Variants in ZNF577 observed in about 807,000 individuals in gnomAD.
ZNF577 encodes the protein zinc finger protein 577.
Under a neutral mutation model 13.9 loss-of-function variants are expected in ZNF577, and 14 were observed. That is an observed-to-expected ratio of 1.00 (90% CI 0.66 to 1.57). The LOEUF (loss-of-function observed/expected upper bound fraction) is 1.57. Ranked by LOEUF, ZNF577 falls within the 40% of genes most tolerant of loss-of-function variation. The pLI is 0.00. For synonymous variants in ZNF577, 203 were observed against 202.9 expected, an observed-to-expected ratio of 1.00 and a Z score of 0.00; for missense variants, 555 against 579.2, an observed-to-expected ratio of 0.96 and a Z score of 0.43.
Position 51,855,379 on chromosome 19 carries a change from G to GTA in ZNF577, c.284-10449_284-10448insTA, listed in dbSNP as rs1471027266. Among the ~76,000 whole-genome samples, 208 of 148,700 alleles carry GTA rather than the reference G, an allele frequency of 1.4e-3. 1 individual carries two copies. The South Asian group carries it at 0.017, about 12-fold the overall frequency. On this transcript the variant is annotated intron_variant and NMD_transcript_variant, in intron 5 of 10. Transcript: ENST00000638827. ...TTTGCTGAGGGTGCTGTGTGTGTGT[G>GTA]TGTGTGTGTGTGTGTGTGTGTGTGT...
chr19:51,834,600 T>A (rs917041728), intron 9 of ZNF577, among the ~76,000 whole-genome samples: 4 of 152,190 alleles, frequency 2.6e-5, no homozygotes, highest in African/African-American at 9.7e-5. Flanking sequence ...CAAATAAATC[T>A]TAATGAAGAT....
At chr19:51,834,498 T>C (rs569560926) in intron 9 of ZNF577, among the ~76,000 whole-genome samples, 1 of 152,196 alleles carries the variant, frequency 6.6e-6, no homozygotes, top group Non-Finnish European at 1.5e-5. Flanking sequence ...ATGACCATAA[T>C]CTATCAAATT....
chr19:51,847,550 C>T (rs1028072864), intron 5 of ZNF577, among the ~76,000 whole-genome samples: 1 of 152,122 alleles, frequency 6.6e-6, no homozygotes, highest in African/African-American at 2.4e-5. Flanking sequence ...GGTGGCTCTC[C>T]CAGGCCTCTC....
At chr19:51,811,764 T>A (rs1258934811) in intron 9 of ZNF577, 1 of 150,228 alleles carries the variant, frequency 6.7e-6, no homozygotes, top group Non-Finnish European at 1.5e-5. Flanking sequence ...TTGCCTCTAG[T>A]GGACAAGGAG....
chr19:51,816,814 G>A (rs2084140582), intron 9 of ZNF577, among the ~76,000 whole-genome samples: 1 of 152,202 alleles, frequency 6.6e-6, no homozygotes, highest in African/African-American at 2.4e-5. Flanking sequence ...TTGTAGGATA[G>A]ACAGTGGTGT....
intron 5 of ZNF577, among the ~76,000 whole-genome samples, chr19:51,875,777 C>T (rs1024445613): frequency 3.9e-5 from 6 of 152,186 alleles, no homozygotes; most frequent in Non-Finnish European, 5.9e-5. Context: ...GAAGCCATCA[C>T]ATCAAATGGA....
chr19:51,873,532 G>A lies in ZNF577; in HGVS notation c.458C>T (p.Ala153Val), dbSNP rs990683805. The A allele has an allele frequency of 6.2e-7, 1 of 1,614,156 alleles. No individual in the cohort carries two copies. The highest frequency in any genetic ancestry group is 1.1e-5 in the South Asian group (1 of 91,078). ...SQLNDLQKIC[A>V]GGKPHECSVC... ...ACTGCATTCATGTGGTTTCCCTCCT[G>A]CACAAATTTTTTGTAGGTCATTGAG... The change falls in exon 6 of 6, where the codon GCA becomes GTA. Residue 153 changes from alanine (A) to valine (V), a missense_variant. Physicochemically the swap from Ala to Val is moderately conservative, Grantham distance 64. Transcript: ENST00000638348.
At chr19:51,828,607 C>T (rs1212993328) in intron 9 of ZNF577, among the ~76,000 whole-genome samples, 1 of 152,048 alleles carries the variant, frequency 6.6e-6, no homozygotes, top group Non-Finnish European at 1.5e-5. Context: ...TCTCAATTCC[C>T]ATTGCATTAT....
intron 1 of ZNF577, among the ~76,000 whole-genome samples, chr19:51,882,697 T>A (rs2084881006): frequency 6.6e-6 from 1 of 151,938 alleles, no homozygotes. Context: ...GGCAGGAGGA[T>A]CGCTTGAGCC....
At chr19:51,809,434 G>T (rs866967117) in intron 10 of ZNF577, among the ~76,000 whole-genome samples, 1 of 152,168 alleles carries the variant, frequency 6.6e-6, no homozygotes, top group Non-Finnish European at 1.5e-5. Context: ...ACACAGGTAG[G>T]TCTATTAGAG....
chr19:51,861,785 T>C (rs1320802388), intron 5 of ZNF577: 1 of 152,616 alleles, frequency 6.6e-6, no homozygotes, highest in Non-Finnish European at 1.5e-5. Context: ...GAATGCTTTC[T>C]TACAATCACT....
rs2084593371 is a variant in ZNF577 at position 51,868,081 on chromosome 19, G to A, written c.*4451C>T. On this transcript the variant is annotated 3_prime_UTR_variant, in exon 6 of 6. Coordinates refer to ENST00000638348, the MANE Select transcript of ZNF577 (RefSeq NM_001370449.1). ...AACTGGGAATCAAGACAAAGTGGAT[G>A]GAATCTGTAAATCTGTGCACCAGCA... 6.6e-6 allele frequency among the ~76,000 whole-genome samples: 1 copy of A among 152,154 alleles called. No homozygotes were observed. Among genetic ancestry groups the A allele is most frequent in the African/African-American group, 2.4e-5 (1 of 41,430 alleles).
At chr19:51,828,439 C>A (rs1188023971) in intron 9 of ZNF577, among the ~76,000 whole-genome samples, 1 of 151,884 alleles carries the variant, frequency 6.6e-6, no homozygotes, top group Non-Finnish European at 1.5e-5. Flanking sequence ...GATAGGAGAG[C>A]CAGGGCTTCC....
chr19:51,841,479 G>A (rs891909510), intron 8 of ZNF577, among the ~76,000 whole-genome samples: 1 of 152,148 alleles, frequency 6.6e-6, no homozygotes, highest in African/African-American at 2.4e-5. Flanking sequence ...GCCAAAAAGT[G>A]TGTTGTGGGG....
Position 51,880,369 on chromosome 19 carries a change from GTGGC to G in ZNF577, c.10_13del (p.Ala4ArgfsTer3). ...CTCTCTCCTCACAGACATTACAATC[GTGGC>G]ATTTTTCATGTGTTTCCTGTTATTT... On this transcript the variant is annotated frameshift_variant, in exon 3 of 6. Coordinates refer to ENST00000638348, the MANE Select transcript of ZNF577 (RefSeq NM_001370449.1). LOFTEE classifies it high-confidence loss of function. 6.2e-7 allele frequency: 1 copy of G among 1,614,020 alleles called. No homozygotes were observed. The highest frequency in any genetic ancestry group is 8.5e-7 in the Non-Finnish European group (1 of 1,180,008).
intron 10 of ZNF577, among the ~76,000 whole-genome samples, chr19:51,807,781 T>C (rs1221490131): frequency 6.6e-6 from 1 of 152,260 alleles, no homozygotes. Context: ...TGCCAGGCAG[T>C]CGACATTTCC....
In ZNF577 at chr19:51,870,825, CTT is replaced by C. The variant is rs1412233798; in HGVS notation, c.*1705_*1706del. 1.3e-5 allele frequency among the ~76,000 whole-genome samples: 2 copies of C among 152,166 alleles called. No homozygotes were observed. The highest frequency in any genetic ancestry group is 1.3e-4 in the Admixed American group (2 of 15,274). ...TCCTCCCAATCCTGCAGACTGGAAACTTTCTCCAGGCACTAAGCTGGGGCAAT... is the reference window on the plus strand; with the variant it reads ...TCCTCCCAATCCTGCAGACTGGAAACTCTCCAGGCACTAAGCTGGGGCAAT... On this transcript the variant is annotated 3_prime_UTR_variant, in exon 6 of 6. Coordinates refer to ENST00000638348, the MANE Select transcript of ZNF577 (RefSeq NM_001370449.1).
chr19:51,827,718 C>T (rs1232090143), intron 9 of ZNF577, among the ~76,000 whole-genome samples: 1 of 152,166 alleles, frequency 6.6e-6, no homozygotes, highest in African/African-American at 2.4e-5. Context: ...CTCTGGTTAA[C>T]CATTGCCTAA....
At chr19:51,828,159 A>G (rs952044158) in intron 9 of ZNF577, among the ~76,000 whole-genome samples, 3 of 152,112 alleles carry the variant, frequency 2.0e-5, no homozygotes, top group African/African-American at 7.2e-5. Context: ...TTTGAGGTCA[A>G]GAGTTCTAGA....
Sources: gnomAD v4.1 joint callset for allele counts (sites outside exome capture counted in the v4.1 genomes callset) on GRCh38, gnomAD v4.1.1 for gene constraint, MANE v1.5 for transcripts, NCBI Gene and HGNC (gene_info 2026-07-23, HGNC 2026-07-21) for gene names.